The following GRID2 variants were observed in gnomAD, a reference collection of about 807,000 sequenced individuals.
The protein encoded by GRID2 is glutamate ionotropic receptor delta type subunit 2.
GRID2 carries 33 observed loss-of-function variants against 114.8 expected under a neutral mutation model. That is an observed-to-expected ratio of 0.29 (90% CI 0.22 to 0.38). GRID2 has a LOEUF of 0.38. Ranked by LOEUF, GRID2 falls within the 10% of genes least tolerant of loss-of-function variation. The probability of loss-of-function intolerance (pLI) is 1.00; values close to 1 mark genes in which losing one functional copy is unlikely to be tolerated. For missense variants in GRID2, 1,184 were observed against 1,257.7 expected (o/e 0.94, Z 0.89); for synonymous variants, 505 against 449.9 (o/e 1.12, Z -1.55).
chr4:92,672,060 T>A (rs1359984462), intron 2 of GRID2, among the ~76,000 whole-genome samples: 2 of 152,202 alleles, frequency 1.3e-5, no homozygotes, highest in African/African-American at 4.8e-5. Context: ...AACTTTTTAA[T>A]ATTATATCAT....
chr4:93,422,420 T>A (rs1768379442), intron 9 of GRID2, among the ~76,000 whole-genome samples: 1 of 152,164 alleles, frequency 6.6e-6, no homozygotes, highest in African/African-American at 2.4e-5. Flanking sequence ...AAACAATAAA[T>A]TCCTGAGAAT....
intron 2 of GRID2, among the ~76,000 whole-genome samples, chr4:92,810,964 G>A (rs1032626414): frequency 6.6e-6 from 1 of 151,942 alleles, no homozygotes; most frequent in Non-Finnish European, 1.5e-5. Flanking sequence ...TGTACTTTTA[G>A]TAGAGATGAA....
chr4:92,880,288 G>A (rs1336282056), intron 2 of GRID2, among the ~76,000 whole-genome samples: 1 of 151,916 alleles, frequency 6.6e-6, no homozygotes, highest in Non-Finnish European at 1.5e-5. Flanking sequence ...GTCTTTGAGG[G>A]GCTTTATTTT....
At chr4:93,666,297 C>A (rs567839774) in intron 14 of GRID2, among the ~76,000 whole-genome samples, 2 of 152,054 alleles carry the variant, frequency 1.3e-5, no homozygotes, top group African/African-American at 4.8e-5. Flanking sequence ...TGAATTTGGT[C>A]CTGAGAATGC....
intron 2 of GRID2, among the ~76,000 whole-genome samples, chr4:93,059,148 A>G (rs539960805): frequency 6.6e-6 from 1 of 152,200 alleles, no homozygotes; most frequent in South Asian, 2.1e-4. Context: ...TGCAAGGAGC[A>G]CTCTTCCATT....
At chr4:92,311,317 T>G (rs1280218955) in intron 1 of GRID2, among the ~76,000 whole-genome samples, 1 of 152,018 alleles carries the variant, frequency 6.6e-6, no homozygotes, top group African/African-American at 2.4e-5. Flanking sequence ...GACTCCTGCT[T>G]CAGGTTTTTA....
chr4:92,338,125 A>G (rs1419102807), intron 1 of GRID2, among the ~76,000 whole-genome samples: 1 of 152,170 alleles, frequency 6.6e-6, no homozygotes, highest in Non-Finnish European at 1.5e-5. Context: ...GGATTTTGAT[A>G]TATACTTCAG....
chr4:93,513,083 T>A (rs372119738), intron 12 of GRID2, among the ~76,000 whole-genome samples: 1 of 152,166 alleles, frequency 6.6e-6, no homozygotes, highest in South Asian at 2.1e-4. Flanking sequence ...TTGTTAGTAC[T>A]GCCAGACAGC....
intron 2 of GRID2, among the ~76,000 whole-genome samples, chr4:92,641,166 G>T (rs962219258): frequency 1.3e-5 from 2 of 151,602 alleles, no homozygotes; most frequent in African/African-American, 4.8e-5. Flanking sequence ...TGGAGGAGAT[G>T]AACATACCTG....
chr4:93,135,935 T>G (rs1735202443), intron 4 of GRID2, among the ~76,000 whole-genome samples: 1 of 152,288 alleles, frequency 6.6e-6, no homozygotes, highest in South Asian at 2.1e-4. Context: ...TTTTATAAAC[T>G]GTGTGGTATG....
chr4:92,611,893 GT>G (rs993134790), intron 2 of GRID2, among the ~76,000 whole-genome samples: 11 of 150,262 alleles, frequency 7.3e-5, no homozygotes, highest in South Asian at 2.1e-4. Context: ...CTTGATAAGA[GT>G]TTTTTTTTAA....
intron 4 of GRID2, among the ~76,000 whole-genome samples, chr4:93,137,416 G>T (rs906792178): frequency 1.3e-5 from 2 of 152,068 alleles, no homozygotes; most frequent in African/African-American, 4.8e-5. Flanking sequence ...TACGACTGCT[G>T]CTTGAGATGA....
intron 2 of GRID2, among the ~76,000 whole-genome samples, chr4:92,800,933 T>C (rs994047087): frequency 6.6e-6 from 1 of 152,008 alleles, no homozygotes; most frequent in African/African-American, 2.4e-5. Flanking sequence ...CTCAGTTACT[T>C]AAGCTCTCTT....
intron 1 of GRID2, among the ~76,000 whole-genome samples, chr4:92,390,593 G>A (rs981186209): frequency 6.6e-6 from 1 of 152,028 alleles, no homozygotes; most frequent in Non-Finnish European, 1.5e-5. Context: ...ATTTTGAGTA[G>A]GAAAGTTTTC....
At chr4:93,475,176 G>T (rs1725204440) in intron 11 of GRID2, among the ~76,000 whole-genome samples, 1 of 152,028 alleles carries the variant, frequency 6.6e-6, no homozygotes, top group Non-Finnish European at 1.5e-5. Context: ...AGTTGAAAGT[G>T]TAAGAACTTC....
rs571048100 is a variant in GRID2, at chr4:93,239,202, A to G, written c.1245+712A>G. 3.5e-3 allele frequency among the ~76,000 whole-genome samples: 523 copies of G among 148,012 alleles called. 5 individuals are homozygous for G. Among genetic ancestry groups the G allele is most frequent in the African/African-American group, 0.012 (499 of 40,796 alleles). On this transcript the variant is annotated intron_variant, in intron 8 of 15. Coordinates refer to ENST00000282020, the MANE Select transcript of GRID2 (RefSeq NM_001510.4). ...TATATATATAGCAAATCCAAATTAT[A>G]TATATACACATATACACACACACAC...
In GRID2 at chr4:92,569,013, G is replaced by A. The variant is rs114888119; in HGVS notation, c.89-21118G>A. Among the ~76,000 whole-genome samples, 964 of 151,898 alleles carry A rather than the reference G, an allele frequency of 6.3e-3. 8 individuals carry two copies. The highest frequency in any genetic ancestry group is 0.013 in the African/African-American group (519 of 41,410). On this transcript the variant is annotated intron_variant, in intron 1 of 15. Transcript: ENST00000282020. Reference sequence around the variant, plus strand: ...AAAGGGTACATGTGCAAGACATGCCGGCTTGTTAAATAGGCAAAAGTGTGC... The same window carrying A: ...AAAGGGTACATGTGCAAGACATGCCAGCTTGTTAAATAGGCAAAAGTGTGC...
chr4:92,677,994 C>A (rs769904079), intron 2 of GRID2, among the ~76,000 whole-genome samples: 3 of 152,054 alleles, frequency 2.0e-5, no homozygotes, highest in Non-Finnish European at 4.4e-5. Flanking sequence ...GCCACATTGA[C>A]CTCATTTTAT....
Position 93,239,343 on chromosome 4 carries a change from A to G in GRID2, c.1245+853A>G, listed in dbSNP as rs61229050. ...ATTTGGATTTGCTATCTATCTATCT[A>G]TGTATCTGTCTATCTATCTATCTAT... is the stretch of plus-strand genomic sequence containing the variant. On this transcript the variant is annotated intron_variant, in intron 8 of 15. Coordinates refer to ENST00000282020, the MANE Select transcript of GRID2 (RefSeq NM_001510.4). Among the ~76,000 whole-genome samples the G allele has an allele frequency of 6.9e-3, 1,022 of 148,462 alleles. 11 individuals are homozygous for G. The highest frequency in any genetic ancestry group is 0.024 in the African/African-American group (975 of 40,554).
Sources: gnomAD v4.1 joint callset for allele counts (sites outside exome capture counted in the v4.1 genomes callset) on GRCh38, gnomAD v4.1.1 for gene constraint, MANE v1.5 for transcripts, NCBI Gene and HGNC (gene_info 2026-07-23, HGNC 2026-07-21) for gene names.